The following CFAP58 variants were observed in gnomAD, a reference collection of about 807,000 sequenced individuals.
CFAP58 encodes the protein cilia and flagella associated protein 58.
In CFAP58, 88 loss-of-function variants were observed where a neutral mutation model predicts 119.5. That is an observed-to-expected ratio of 0.74 (90% confidence interval 0.62 to 0.88). The LOEUF (loss-of-function observed/expected upper bound fraction) is 0.88, where lower values mean the gene tolerates loss of function less well. CFAP58 is among the 40% of genes least tolerant of loss of function. The probability of loss-of-function intolerance (pLI) is 0.00; values close to 1 mark genes in which losing one functional copy is unlikely to be tolerated. For synonymous variants in CFAP58, 365 were observed against 366.3 expected (o/e 1.00, Z 0.04); for missense variants, 990 against 1,021.2 (o/e 0.97, Z 0.42).
chr10:104,414,771 G>A (rs1311140125), intron 15 of CFAP58, among the ~76,000 whole-genome samples: 1 of 152,264 alleles, frequency 6.6e-6, no homozygotes, highest in Non-Finnish European at 1.5e-5. Context: ...CCGGGTTCAC[G>A]CCATTCTCCT....
At chr10:104,453,794 G>GTGTT (rs1344087154) in intron 17 of CFAP58, among the ~76,000 whole-genome samples, 3 of 149,910 alleles carry the variant, frequency 2.0e-5, no homozygotes, top group Non-Finnish European at 4.5e-5. Context: ...GTGTGTGTGT[G>GTGTT]TGTATTTAAA....
intron 8 of CFAP58, 119 bp from the exon 9 acceptor site, chr10:104,379,910 T>G (rs1589915330): frequency 1.1e-6 from 1 of 918,070 alleles, no homozygotes; most frequent in East Asian, 2.4e-5. Context: ...AATATGATCA[T>G]TTTTATTCAT....
At chr10:104,421,438 G>A (rs560786174) in intron 15 of CFAP58, among the ~76,000 whole-genome samples, 3 of 152,324 alleles carry the variant, frequency 2.0e-5, no homozygotes, top group East Asian at 3.9e-4. Context: ...ATGTGCTGAA[G>A]TTCTCTTGCT....
chr10:104,347,332 T>G, the CFAP58 span, among the ~76,000 whole-genome samples: 2 of 152,026 alleles, frequency 1.3e-5, no homozygotes, highest in African/African-American at 4.8e-5. Context: ...TGATGTCAAA[T>G]GCTCAACAAA....
chr10:104,417,973 C>A (rs1332027092), intron 15 of CFAP58, among the ~76,000 whole-genome samples: 1 of 152,076 alleles, frequency 6.6e-6, no homozygotes, highest in Admixed American at 6.6e-5. Flanking sequence ...TTTTATATGG[C>A]CTGCACCAAG....
At chr10:104,369,497 C>T (rs76003820) in intron 6 of CFAP58, among the ~76,000 whole-genome samples, 2,926 of 152,288 alleles carry the variant, frequency 0.019, 30 homozygotes, top group Non-Finnish European at 0.027. Flanking sequence ...GTCTGAGGGT[C>T]TGACGCTGAA....
At chr10:104,410,347 T>C (rs904272083) in intron 15 of CFAP58, among the ~76,000 whole-genome samples, 3 of 152,266 alleles carry the variant, frequency 2.0e-5, no homozygotes, top group African/African-American at 7.2e-5. Context: ...TCTTTTGTTT[T>C]CTATTTCTAC....
At position 104,368,375 on chromosome 10, in the gene CFAP58, T is replaced by C. The variant is rs199501092; in HGVS notation, c.793-48T>C. ...GGCCCCCTGTGTGTATATCCAACTATTGTAATCAGATTAAAAAGCATTAAC... is the reference window on the plus strand; with the variant it reads ...GGCCCCCTGTGTGTATATCCAACTACTGTAATCAGATTAAAAAGCATTAAC... On this transcript the variant is annotated intron_variant, in intron 5 of 17. Coordinates refer to ENST00000369704, the MANE Select transcript of CFAP58 (RefSeq NM_001008723.2). 1,720 of 1,602,142 alleles carry C rather than the reference T, an allele frequency of 1.1e-3. 38 individuals carry two copies. The South Asian group carries it at 0.018, about 17-fold the overall frequency.
chr10:104,374,884 T>TA (rs971406209), intron 7 of CFAP58, among the ~76,000 whole-genome samples: 8 of 151,560 alleles, frequency 5.3e-5, no homozygotes, highest in African/African-American at 1.9e-4. Context: ...ACTTAAATGT[T>TA]AAAATGAGGG....
intron 9 of CFAP58, among the ~76,000 whole-genome samples, chr10:104,390,068 C>T (rs1453030538): frequency 6.6e-6 from 1 of 152,168 alleles, no homozygotes; most frequent in Non-Finnish European, 1.5e-5. Flanking sequence ...AGCAATCTAG[C>T]AATATCTATT....
rs140319819 is a variant in CFAP58, at chr10:104,399,465, G to T, written c.1780G>T (p.Gly594Trp). 1.7e-4 allele frequency: 270 copies of T among 1,613,762 alleles called. No individual in the cohort carries two copies. In the African/African-American group the frequency reaches 3.2e-3, roughly 19 times the overall value. The part of the protein sequence containing the change: ...KLLRIIAEAD[G>W]ERLRQKKELD... ...CCTGCGAATAATTGCTGAGGCTGAC[G>T]GGGAGAGGTTGAGACAGAAGAAGGA... The change falls in exon 12 of 18, where the codon GGG (glycine) becomes TGG (tryptophan). Residue 594 changes from glycine (G) to tryptophan (W), a missense_variant. By Grantham distance (184) the Gly-to-Trp change is radical (BLOSUM62 -2). Coordinates refer to ENST00000369704, the MANE Select transcript of CFAP58 (RefSeq NM_001008723.2).
At chr10:104,431,817 A>C (rs1003495962) in intron 15 of CFAP58, among the ~76,000 whole-genome samples, 1 of 152,194 alleles carries the variant, frequency 6.6e-6, no homozygotes, top group African/African-American at 2.4e-5. Flanking sequence ...TTTTAGATTT[A>C]TATACATGGT....
chr10:104,435,777 T>G (rs2012924094), intron 15 of CFAP58, among the ~76,000 whole-genome samples: 1 of 152,226 alleles, frequency 6.6e-6, no homozygotes, highest in South Asian at 2.1e-4. Context: ...ATCACTGGTA[T>G]GTAGATAAAG....
chr10:104,399,582 T>C, intron 12 of CFAP58, 82 bp downstream of exon 12: 1 of 1,423,016 alleles, frequency 7.0e-7, no homozygotes. Flanking sequence ...TTCCTTCCTC[T>C]CTAAGCTCTT....
At chr10:104,421,038 C>A (rs1056738116) in intron 15 of CFAP58, among the ~76,000 whole-genome samples, 5 of 152,240 alleles carry the variant, frequency 3.3e-5, no homozygotes, top group African/African-American at 1.2e-4. Flanking sequence ...CACGCATGAG[C>A]CACCGCACCT....
chr10:104,361,975 C>T (rs1378359725), intron 2 of CFAP58, 48 bp from the exon 3 acceptor site: 3 of 1,575,754 alleles, frequency 1.9e-6, no homozygotes, highest in Admixed American at 1.8e-5. Flanking sequence ...TATCTTGCAT[C>T]TAGAATCCAG....
At chr10:104,420,751 A>AT (rs66462966) in intron 15 of CFAP58, among the ~76,000 whole-genome samples, 8,012 of 121,588 alleles carry the variant, frequency 0.066, 363 homozygotes, top group South Asian at 0.093. Context: ...TTTATATTTG[A>AT]TTTTTTTTTT....
the CFAP58 span, among the ~76,000 whole-genome samples, chr10:104,345,401 G>A: frequency 6.6e-6 from 1 of 152,030 alleles, no homozygotes; most frequent in Middle Eastern, 3.2e-3. Context: ...TGTGTACTTG[G>A]AAGTAATTTT....
At chr10:104,438,350 T>TTTTTG (rs1564904775) in intron 15 of CFAP58, among the ~76,000 whole-genome samples, 2 of 38,746 alleles carry the variant, frequency 5.2e-5, no homozygotes, top group African/African-American at 2.6e-4. Context: ...TGTTTTTTGT[T>TTTTTG]TTTTTTTTTT....
Sources: allele counts gnomAD v4.1 joint callset (sites outside exome capture counted in the v4.1 genomes callset), GRCh38; gene constraint gnomAD v4.1.1; transcripts MANE v1.5; gene names NCBI Gene and HGNC (gene_info 2026-07-23, HGNC 2026-07-21).